Variants in CSPP1 observed in about 807,000 individuals in gnomAD.
CSPP1 encodes the protein centrosome and spindle pole-associated protein 1.
In CSPP1, 126 loss-of-function variants were observed where a neutral mutation model predicts 164.4. That is an observed-to-expected ratio of 0.77 (90% confidence interval 0.66 to 0.89). The LOEUF is 0.89. Among genes scored for constraint, CSPP1 ranks in the 40% least tolerant of loss-of-function variants. The pLI is 0.00. For missense variants in CSPP1, 1,395 were observed against 1,449.8 expected (o/e 0.96, Z 0.61); for synonymous variants, 472 against 476.7 (o/e 0.99, Z 0.13).
chr8:67,081,416 A>C (rs942892239), intron 3 of CSPP1, among the ~76,000 whole-genome samples: 1 of 152,092 alleles, frequency 6.6e-6, no homozygotes, highest in African/African-American at 2.4e-5. Context: ...TAGGATGTAC[A>C]TGATTTAGTT....
At chr8:67,172,599 T>C (rs1320988123) in intron 25 of CSPP1, 44 bp downstream of exon 25, 1 of 1,498,964 alleles carries the variant, frequency 6.7e-7, no homozygotes, top group Non-Finnish European at 9.0e-7. Context: ...AGAAGTGTTC[T>C]ACCCATATTT....
At chr8:67,165,951 C>T (rs1829233112) in intron 24 of CSPP1, among the ~76,000 whole-genome samples, 1 of 152,190 alleles carries the variant, frequency 6.6e-6, no homozygotes, top group Non-Finnish European at 1.5e-5. Flanking sequence ...CTTGTGTCTT[C>T]TTCCATTTAT....
intron 29 of CSPP1, 78 bp from the exon 30 acceptor site, chr8:67,193,386 C>A: frequency 7.6e-7 from 1 of 1,324,420 alleles, no homozygotes. Flanking sequence ...TGATAGGCAC[C>A]ATGCCTGGCC....
At position 67,116,200 on chromosome 8, in the gene CSPP1, C is replaced by T. The variant is rs777336852; in HGVS notation, c.1496+78C>T. Reference sequence around the variant, plus strand: ...TTATGTTTAGAAGGATATACTGAAGCGGATGACGTTATTCTTCAGAGATTT... The same window carrying T: ...TTATGTTTAGAAGGATATACTGAAGTGGATGACGTTATTCTTCAGAGATTT... On this transcript the variant is annotated intron_variant, in intron 13 of 30. Coordinates refer to ENST00000678616, the MANE Select transcript of CSPP1 (RefSeq NM_001382391.1). The T allele has an allele frequency of 1.8e-4, 172 of 972,974 alleles. 2 individuals carry two copies. In the Middle Eastern group the frequency reaches 0.01, roughly 58 times the overall value. 60.3% of individuals were successfully genotyped at this position (972,974 alleles called of 1,614,324 possible).
At chr8:67,101,747 T>G (rs1407296118) in intron 7 of CSPP1, among the ~76,000 whole-genome samples, 1 of 152,202 alleles carries the variant, frequency 6.6e-6, no homozygotes. Flanking sequence ...ATATGCTGGT[T>G]CTGTGGAGAG....
At chr8:67,185,112 A>C (rs1019754915) in intron 28 of CSPP1, among the ~76,000 whole-genome samples, 37 of 150,842 alleles carry the variant, frequency 2.5e-4, no homozygotes, top group Admixed American at 1.2e-3. Flanking sequence ...CTCAAAAAAA[A>C]AAAAACAAAA....
chr8:67,138,374 A>C (rs564057311), intron 17 of CSPP1, among the ~76,000 whole-genome samples: 4 of 152,338 alleles, frequency 2.6e-5, no homozygotes, highest in African/African-American at 7.2e-5. Context: ...GTAATACCTA[A>C]TACAGTGAAA....
intron 15 of CSPP1, among the ~76,000 whole-genome samples, chr8:67,125,630 T>G (rs1409141580): frequency 6.6e-6 from 1 of 152,220 alleles, no homozygotes; most frequent in African/African-American, 2.4e-5. Context: ...TTTTCTTCAG[T>G]CTTTTTCTTT....
chr8:67,153,826 T>A (rs1826159411), intron 18 of CSPP1, among the ~76,000 whole-genome samples, 198 bp from the exon 19 acceptor site: 1 of 152,102 alleles, frequency 6.6e-6, no homozygotes, highest in South Asian at 2.1e-4. Context: ...TAATTTTATT[T>A]TAGTATTACC....
intron 1 of CSPP1, among the ~76,000 whole-genome samples, chr8:67,069,773 C>T (rs1453598339): frequency 6.6e-6 from 1 of 151,726 alleles, no homozygotes; most frequent in African/African-American, 2.4e-5. Context: ...ATTCTCCTGC[C>T]TCAGTGTCCC....
chr8:67,105,811 TAATA>T lies in CSPP1; in HGVS notation c.1023-92_1023-89del. 6 of 712,038 alleles carry T rather than the reference TAATA, an allele frequency of 8.4e-6. No homozygotes were observed. The East Asian group carries it at 1.6e-4, about 19-fold the overall frequency. The allele number at this position is 712,038 out of a possible 1,614,324, so 44.1% of individuals were successfully genotyped here. On this transcript the variant is annotated intron_variant, in intron 8 of 30. Coordinates refer to ENST00000678616, the MANE Select transcript of CSPP1 (RefSeq NM_001382391.1). ...TAATGTCCATAGTACTTTGAAAGGC[TAATA>T]ATTCATAGCTACATTTTACTCTGAA...
chr8:67,087,692 T>G (rs1483367498), intron 4 of CSPP1, among the ~76,000 whole-genome samples: 1 of 152,186 alleles, frequency 6.6e-6, no homozygotes, highest in Non-Finnish European at 1.5e-5. Flanking sequence ...AGAGTATCAT[T>G]CTTTTTGAGA....
Position 67,095,462 on chromosome 8 carries a change from G to A in CSPP1, c.653G>A (p.Arg218Gln), listed in dbSNP as rs371211802. 25 of 1,613,084 alleles carry A rather than the reference G, an allele frequency of 1.5e-5. No homozygotes were observed. In the Admixed American group the frequency reaches 2.7e-4, roughly 17 times the overall value. The change falls in exon 7 of 31, where the codon CGA (arginine) becomes CAA (glutamine). Residue 218 changes from arginine (R) to glutamine (Q), a missense_variant. By Grantham distance (43) the Arg-to-Gln change is conservative. Coordinates refer to ENST00000678616, the MANE Select transcript of CSPP1 (RefSeq NM_001382391.1). Reference sequence around the variant, plus strand: ...AGACGACTAGAGGAGGACAGATACCGACAACTAGATGATGAAATCGAATTA... The same window carrying A: ...AGACGACTAGAGGAGGACAGATACCAACAACTAGATGATGAAATCGAATTA... The part of the protein sequence containing the change: ...NQRRLEEDRY[R>Q]QLDDEIELRN...
intron 17 of CSPP1, among the ~76,000 whole-genome samples, chr8:67,147,822 C>T (rs910805035): frequency 1.1e-4 from 17 of 152,278 alleles, no homozygotes; most frequent in Admixed American, 9.8e-4. Flanking sequence ...CTCATCCCTT[C>T]ATCCATTCTC....
rs1827181776 is a variant in CSPP1, at chr8:67,158,930, C to T, written c.2392-61C>T. The T allele has an allele frequency of 2.5e-5, 34 of 1,335,742 alleles. No homozygotes were observed. The South Asian group carries it at 4.4e-4, about 17-fold the overall frequency. 82.7% of individuals were successfully genotyped at this position (1,335,742 alleles called of 1,614,324 possible). On this transcript the variant is annotated intron_variant, in intron 20 of 30. Coordinates refer to ENST00000678616, the MANE Select transcript of CSPP1 (RefSeq NM_001382391.1). ...ATTTTATCAGATAAATAAGGCAGCA[C>T]ATTTTTGAATGTACTATAGAAGGAA... is the stretch of plus-strand genomic sequence containing the variant.
In CSPP1 at chr8:67,158,712, T is replaced by C. The variant is rs977464206; in HGVS notation, c.2391+116T>C. 41 of 1,292,770 alleles carry C rather than the reference T, an allele frequency of 3.2e-5. No homozygotes were observed. In the African/African-American group the frequency reaches 5.9e-4, roughly 18 times the overall value. 80.1% of individuals were successfully genotyped at this position (1,292,770 alleles called of 1,614,324 possible). A position where few individuals can be genotyped will look rare whatever the true frequency, so the allele number is the denominator to read the frequency against. On this transcript the variant is annotated intron_variant, in intron 20 of 30. Coordinates refer to ENST00000678616, the MANE Select transcript of CSPP1 (RefSeq NM_001382391.1). ...AGTGTTGGAGTACATTTAGAAAATA[T>C]CAGATCAATATACATTCTTTGGATA... is the stretch of plus-strand genomic sequence containing the variant.
chr8:67,193,434 A>G (rs1836982786), intron 29 of CSPP1, 30 bp from the exon 30 acceptor site: 1 of 1,597,056 alleles, frequency 6.3e-7, no homozygotes, highest in African/African-American at 1.3e-5. Context: ...TGTGTTAATG[A>G]CTTTCTGAAG....
chr8:67,147,592 C>T (rs1378524107), intron 17 of CSPP1, among the ~76,000 whole-genome samples: 1 of 152,152 alleles, frequency 6.6e-6, no homozygotes, highest in African/African-American at 2.4e-5. Flanking sequence ...AACAAAAAGC[C>T]TGATGACCTA....
Position 67,113,789 on chromosome 8 carries a change from C to A in CSPP1, c.1188-16C>A. On this transcript the variant is annotated splice_polypyrimidine_tract_variant and intron_variant, in intron 10 of 30. Coordinates refer to ENST00000678616, the MANE Select transcript of CSPP1 (RefSeq NM_001382391.1). ...TACTATATCTTTTTAATATGTAAAA[C>A]TTTAATTTTGTTTAGAGAAAAAGAT... 2 of 1,448,890 alleles carry A rather than the reference C, an allele frequency of 1.4e-6. No homozygotes were observed. The highest frequency in any genetic ancestry group is 2.5e-5 in the South Asian group (2 of 80,146). 89.8% of individuals were successfully genotyped at this position (1,448,890 alleles called of 1,614,324 possible).
Sources: allele counts gnomAD v4.1 joint callset (sites outside exome capture counted in the v4.1 genomes callset), GRCh38; gene constraint gnomAD v4.1.1; transcripts MANE v1.5; gene names NCBI Gene and HGNC (gene_info 2026-07-23, HGNC 2026-07-21).